LIMK2: variants seen among roughly 807,000 people sequenced by gnomAD.
LIMK2 encodes the protein LIM domain kinase 2.
In LIMK2, 35 loss-of-function variants were observed where a neutral mutation model predicts 75.7. The observed-to-expected ratio is 0.46, with a 90% confidence interval of 0.35 to 0.61. The LOEUF is 0.61. Ranked by LOEUF, LIMK2 falls within the 20% of genes least tolerant of loss-of-function variation. The probability of loss-of-function intolerance (pLI) is 0.00; values close to 1 mark genes in which losing one functional copy is unlikely to be tolerated. For missense variants in LIMK2, 623 were observed against 831.0 expected, an observed-to-expected ratio of 0.75 and a Z score of 3.08; for synonymous variants, 301 against 319.2, an observed-to-expected ratio of 0.94 and a Z score of 0.61.
At position 31,272,474 on chromosome 22, in the gene LIMK2, A is replaced by G. The variant is rs987932519; in HGVS notation, c.1384-56A>G. ...CTTCTCTTGCCTATGCTTCCTCCCC[A>G]GGGCCAGGTTTGAGAACATCCCCAT... is the stretch of plus-strand genomic sequence containing the variant. On this transcript the variant is annotated intron_variant, in intron 12 of 15. Transcript: ENST00000331728. 7 of 1,513,242 alleles carry G rather than the reference A, an allele frequency of 4.6e-6. 1 individual carries two copies. The highest frequency in any genetic ancestry group is 2.5e-5 in the South Asian group (2 of 78,822). The allele number at this position is 1,513,242 out of a possible 1,614,324, so 93.7% of individuals were successfully genotyped here.
chr22:31,257,352 G>A (rs1025164009), intron 2 of LIMK2, among the ~76,000 whole-genome samples: 1 of 151,998 alleles, frequency 6.6e-6, no homozygotes, highest in African/African-American at 2.4e-5. Flanking sequence ...ATTTGTTAAT[G>A]TTATGCCACT....
chr22:31,241,428 C>T (rs1429928194), intron 2 of LIMK2, among the ~76,000 whole-genome samples: 1 of 152,166 alleles, frequency 6.6e-6, no homozygotes, highest in Non-Finnish European at 1.5e-5. Flanking sequence ...GATGACTCAC[C>T]ACATAAGGCT....
At chr22:31,233,798 G>C (rs985327630) in intron 2 of LIMK2, among the ~76,000 whole-genome samples, 5 of 152,156 alleles carry the variant, frequency 3.3e-5, no homozygotes, top group African/African-American at 1.2e-4. Context: ...AGGAATCCTT[G>C]ATACCTGTTC....
chr22:31,247,973 T>C (rs561381511), intron 2 of LIMK2, among the ~76,000 whole-genome samples: 1 of 151,442 alleles, frequency 6.6e-6, no homozygotes. Flanking sequence ...AGAGCTAGGA[T>C]GGCTCTCTGG....
Position 31,212,340 on chromosome 22 carries a change from G to C in LIMK2, c.-69G>C. 1.5e-6 allele frequency: 2 copies of C among 1,312,856 alleles called. No homozygotes were observed. The highest frequency in any genetic ancestry group is 2.8e-5 in the East Asian group (1 of 35,614). 81.3% of individuals were successfully genotyped at this position (1,312,856 alleles called of 1,614,324 possible). A position where few individuals can be genotyped will look rare whatever the true frequency, so the allele number is the denominator to read the frequency against. ...GCGGCGGCGGCAGGAGCTGAGGGGAGTTGTAGGGAACTGAGGGGAGCTGCT... is the reference window on the plus strand; with the variant it reads ...GCGGCGGCGGCAGGAGCTGAGGGGACTTGTAGGGAACTGAGGGGAGCTGCT... On this transcript the variant is annotated 5_prime_UTR_variant, in exon 1 of 16. Coordinates refer to ENST00000331728, the MANE Select transcript of LIMK2 (RefSeq NM_005569.4).
At chr22:31,226,900 G>A (rs1403611974) in intron 2 of LIMK2, among the ~76,000 whole-genome samples, 1 of 152,138 alleles carries the variant, frequency 6.6e-6, no homozygotes, top group Non-Finnish European at 1.5e-5. Flanking sequence ...ATGAGCCACC[G>A]CGCCCTGCCT....
intron 2 of LIMK2, among the ~76,000 whole-genome samples, chr22:31,237,594 T>C (rs1387485679): frequency 2.6e-5 from 4 of 151,646 alleles, no homozygotes; most frequent in African/African-American, 4.8e-5. Context: ...ACAAACTTAC[T>C]ACCTACCTCC....
chr22:31,216,403 G>A (rs1050526383), intron 1 of LIMK2, among the ~76,000 whole-genome samples: 3 of 152,118 alleles, frequency 2.0e-5, no homozygotes, highest in African/African-American at 7.2e-5. Flanking sequence ...TGAGAATGTG[G>A]GTGCAACCGG....
At chr22:31,270,607 A>G (rs1352100071) in intron 11 of LIMK2, among the ~76,000 whole-genome samples, 1 of 152,218 alleles carries the variant, frequency 6.6e-6, no homozygotes, top group African/African-American at 2.4e-5. Context: ...GTTGACAAAC[A>G]TTTTGGTAGG....
Position 31,262,387 on chromosome 22 carries a change from G to GT in LIMK2, c.657+149dup. ...GTGACCACTGGTGACCTATTTCAGC[G>GT]TAACAGGTTCCCAGGGTAGCAGGGA... On this transcript the variant is annotated intron_variant, in intron 6 of 15. Coordinates refer to ENST00000331728, the MANE Select transcript of LIMK2 (RefSeq NM_005569.4). The surrounding 1 kb of genome is among the most constrained non-coding windows in gnomAD (Gnocchi z 5.0). 3 of 813,220 alleles carry GT rather than the reference G, an allele frequency of 3.7e-6. No homozygotes were observed. Among genetic ancestry groups the GT allele is most frequent in the Middle Eastern group, 4.6e-4 (2 of 4,324 alleles). 50.4% of individuals were successfully genotyped at this position (813,220 alleles called of 1,614,324 possible).
At chr22:31,238,125 A>AC (rs1393342366) in intron 2 of LIMK2, among the ~76,000 whole-genome samples, 1 of 151,670 alleles carries the variant, frequency 6.6e-6, no homozygotes, top group African/African-American at 2.4e-5. Flanking sequence ...AAAAAAAAAA[A>AC]AAAAAAACCA....
At position 31,274,195 on chromosome 22, in the gene LIMK2, AG is replaced by A. The variant is rs1172832564; in HGVS notation, c.1614+690del. Among the ~76,000 whole-genome samples the A allele has an allele frequency of 3.9e-5, 6 of 152,132 alleles. No individual in the cohort carries two copies. In the South Asian group the frequency reaches 8.3e-4, roughly 21 times the overall value. ...CCCTTCAAGTAGAAGTAGCCACTCT[AG>A]GAAGTGTCAGCCCTGTGCCAGGTAC... On this transcript the variant is annotated intron_variant, in intron 14 of 15. Coordinates refer to ENST00000331728, the MANE Select transcript of LIMK2 (RefSeq NM_005569.4).
intron 2 of LIMK2, among the ~76,000 whole-genome samples, chr22:31,246,649 A>G (rs1601418979): frequency 1.3e-5 from 2 of 151,224 alleles, no homozygotes; most frequent in African/African-American, 2.4e-5. Context: ...GCTACTCTGG[A>G]GGCTGAGGTG....
chr22:31,245,211 A>G (rs1004591384), intron 2 of LIMK2, among the ~76,000 whole-genome samples: 2 of 152,254 alleles, frequency 1.3e-5, no homozygotes, highest in Admixed American at 1.3e-4. Flanking sequence ...TATTAGAGGT[A>G]GTAAACAGAG....
chr22:31,277,295 T>C, intron 15 of LIMK2: 1 of 1,463,856 alleles, frequency 6.8e-7, no homozygotes, highest in Non-Finnish European at 9.0e-7. Context: ...CCCTGCCCCC[T>C]CAGTTTTCCA....
chr22:31,237,779 T>A (rs756972440), intron 2 of LIMK2, among the ~76,000 whole-genome samples: 1 of 151,792 alleles, frequency 6.6e-6, no homozygotes. Context: ...TCTAAAGAAG[T>A]AGTTATTTTT....
chr22:31,221,348 C>T (rs1027523399), intron 1 of LIMK2, among the ~76,000 whole-genome samples: 1 of 148,740 alleles, frequency 6.7e-6, no homozygotes, highest in African/African-American at 2.5e-5. Context: ...CCCTTTTTTG[C>T]CCCGTTAATT....
Position 31,262,548 on chromosome 22 carries a change from C to T in LIMK2, c.658-47C>T. ...GTCATCTGGGTTGGCCATGGGTGGC[C>T]TGGGATGGGGCAGCCTGTGGGAGCT... is the stretch of plus-strand genomic sequence containing the variant. On this transcript the variant is annotated intron_variant, in intron 6 of 15. Coordinates refer to ENST00000331728, the MANE Select transcript of LIMK2 (RefSeq NM_005569.4). The surrounding 1 kb of genome is among the most constrained non-coding windows in gnomAD (Gnocchi z 5.0). 2 of 1,561,482 alleles carry T rather than the reference C, an allele frequency of 1.3e-6. No individual in the cohort carries two copies. The highest frequency in any genetic ancestry group is 1.7e-6 in the Non-Finnish European group (2 of 1,146,414).
chr22:31,262,051 G>T lies in LIMK2; in HGVS notation c.552-83G>T. ...AGGGGCCACTGGTGGCCTGGGACCTGGTAAACCTTCCCTGCACAAGCAGAA... is the reference window on the plus strand; with the variant it reads ...AGGGGCCACTGGTGGCCTGGGACCTTGTAAACCTTCCCTGCACAAGCAGAA... On this transcript the variant is annotated intron_variant, in intron 5 of 15. Coordinates refer to ENST00000331728, the MANE Select transcript of LIMK2 (RefSeq NM_005569.4). The surrounding 1 kb of genome is among the most constrained non-coding windows in gnomAD (Gnocchi z 5.0). 8.6e-7 allele frequency: 1 copy of T among 1,161,738 alleles called. No homozygotes were observed. Among genetic ancestry groups the T allele is most frequent in the Non-Finnish European group, 1.3e-6 (1 of 771,372 alleles). The allele number at this position is 1,161,738 out of a possible 1,614,324, so 72.0% of individuals were successfully genotyped here. A position where few individuals can be genotyped will look rare whatever the true frequency, so the allele number is the denominator to read the frequency against.
Sources: allele counts gnomAD v4.1 joint callset (sites outside exome capture counted in the v4.1 genomes callset), GRCh38; gene constraint gnomAD v4.1.1; non-coding constraint Gnocchi (gnomAD v3.1); transcripts MANE v1.5; gene names NCBI Gene and HGNC (gene_info 2026-07-23, HGNC 2026-07-21).